Variants in WDR72 observed in about 807,000 individuals in gnomAD.
WDR72 encodes the protein WD repeat-containing protein 72.
A neutral mutation model predicts 124.2 loss-of-function variants in WDR72; 120 were observed. The ratio of observed to expected loss-of-function variants is 0.97; its 90% CI spans 0.83 to 1.12. The LOEUF is 1.12. Among genes scored for constraint, WDR72 ranks in the 50% most tolerant of loss-of-function variants. WDR72 has a pLI of 0.00. For missense variants in WDR72, 1,387 were observed against 1,278.8 expected (o/e 1.08, Z -1.29); for synonymous variants, 452 against 441.7 (o/e 1.02, Z -0.29).
intron 2 of WDR72, among the ~76,000 whole-genome samples, chr15:53,732,066 C>A (rs867487028): frequency 1.3e-5 from 2 of 152,044 alleles, no homozygotes; most frequent in African/African-American, 4.8e-5. Flanking sequence ...TCAAAGGGAG[C>A]CACTATTTTT....
intron 2 of WDR72, among the ~76,000 whole-genome samples, chr15:53,732,346 T>G (rs1448556757): frequency 6.6e-6 from 1 of 152,222 alleles, no homozygotes; most frequent in Non-Finnish European, 1.5e-5. Context: ...TTAGTTTAAT[T>G]GTTCAAATTG....
At chr15:53,653,056 C>G (rs867769892) in intron 14 of WDR72, among the ~76,000 whole-genome samples, 5 of 152,192 alleles carry the variant, frequency 3.3e-5, no homozygotes, top group South Asian at 2.1e-4. Context: ...ACATGTAAAC[C>G]TGATTTGGAC....
chr15:53,640,255 C>T (rs148680297), intron 14 of WDR72, among the ~76,000 whole-genome samples: 1 of 152,226 alleles, frequency 6.6e-6, no homozygotes, highest in African/African-American at 2.4e-5. Context: ...ATTTAAGCAC[C>T]TAATTACAAG....
intron 13 of WDR72, among the ~76,000 whole-genome samples, chr15:53,680,776 G>C (rs976473358): frequency 2.6e-5 from 4 of 152,156 alleles, no homozygotes; most frequent in Admixed American, 2.0e-4. Context: ...TGGGTACTCA[G>C]ATGCTCCAAG....
In WDR72 at chr15:53,691,053, A is replaced by G. The variant is rs118102788; in HGVS notation, c.1765+8697T>C. 8.3e-3 allele frequency among the ~76,000 whole-genome samples: 1,265 copies of G among 152,232 alleles called. 11 individuals carry two copies. The highest frequency in any genetic ancestry group is 0.013 in the Non-Finnish European group (866 of 68,016). On this transcript the variant is annotated intron_variant, in intron 13 of 19. Coordinates refer to ENST00000360509, the MANE Select transcript of WDR72 (RefSeq NM_182758.4). ...TTGATTTGCATTTCCCTGAAGAATA[A>G]TGATGTTGATAACCTTTATAGGGTC...
At position 53,733,103 on chromosome 15, in the gene WDR72, G is replaced by C. The variant is rs751851314; in HGVS notation, c.47C>G (p.Pro16Arg). Reference protein sequence around the residue: ...QAVALWGQKAPPHSITAIMIT... With the variant: ...QAVALWGQKARPHSITAIMIT... The stretch of plus-strand genomic sequence containing the variant: ...CATGATGGCAGTGATGCTGTGGGGA[G>C]GGGCCTTCTGTCCCCAGAGTGCCAC... The change falls in exon 2 of 20, where the codon CCT (proline) becomes CGT (arginine). Residue 16 changes from proline (P) to arginine (R), a missense_variant. Coordinates refer to ENST00000360509, the MANE Select transcript of WDR72 (RefSeq NM_182758.4). 6.2e-7 allele frequency: 1 copy of C among 1,613,948 alleles called. No homozygotes were observed. Among genetic ancestry groups the C allele is most frequent in the Non-Finnish European group, 8.5e-7 (1 of 1,179,970 alleles).
chr15:53,744,724 T>C (rs1428738508), intron 1 of WDR72, among the ~76,000 whole-genome samples: 1 of 152,202 alleles, frequency 6.6e-6, no homozygotes, highest in Non-Finnish European at 1.5e-5. Context: ...GTAATATTTC[T>C]TATATGATGT....
intron 1 of WDR72, among the ~76,000 whole-genome samples, chr15:53,741,997 G>C (rs758303758): frequency 2.0e-5 from 3 of 152,220 alleles, no homozygotes; most frequent in Non-Finnish European, 2.9e-5. Flanking sequence ...CAAAGTGCTG[G>C]GATTACAGGC....
At chr15:53,674,622 C>T (rs1398915132) in intron 13 of WDR72, among the ~76,000 whole-genome samples, 3 of 152,064 alleles carry the variant, frequency 2.0e-5, no homozygotes, top group African/African-American at 7.2e-5. Context: ...TACCTTCATT[C>T]CTAAATGTAG....
At chr15:53,728,580 C>G (rs2140597368) in intron 2 of WDR72, among the ~76,000 whole-genome samples, 1 of 152,308 alleles carries the variant, frequency 6.6e-6, no homozygotes, top group African/African-American at 2.4e-5. Context: ...CATTCTTTGT[C>G]TCCACACATT....
chr15:53,547,064 G>A (rs1906419), intron 18 of WDR72, among the ~76,000 whole-genome samples: 47,685 of 152,064 alleles, frequency 0.31, 7,945 homozygotes, highest in Admixed American at 0.41. Flanking sequence ...AAATACATAA[G>A]CCTTGGCTCC....
At chr15:53,647,970 A>G (rs1352792411) in intron 14 of WDR72, among the ~76,000 whole-genome samples, 1 of 152,064 alleles carries the variant, frequency 6.6e-6, no homozygotes, top group Non-Finnish European at 1.5e-5. Flanking sequence ...TGCTCCTTCC[A>G]CTACATGAAA....
chr15:53,754,361 T>C (rs564697556), intron 1 of WDR72, among the ~76,000 whole-genome samples: 1 of 151,950 alleles, frequency 6.6e-6, no homozygotes, highest in East Asian at 1.9e-4. Context: ...ACATAAGAGG[T>C]AGCAGAGGGA....
chr15:53,546,825 G>C (rs1026150139), intron 18 of WDR72, among the ~76,000 whole-genome samples: 2 of 152,156 alleles, frequency 1.3e-5, no homozygotes, highest in Non-Finnish European at 2.9e-5. Context: ...ACTATCAGTA[G>C]AGAGGAAATT....
intron 14 of WDR72, among the ~76,000 whole-genome samples, chr15:53,654,376 C>A (rs887228053): frequency 3.3e-5 from 5 of 152,108 alleles, no homozygotes; most frequent in Admixed American, 1.3e-4. Flanking sequence ...AAGTAAGGGC[C>A]CATATCCTTA....
chr15:53,562,052 T>G (rs1566961263), intron 18 of WDR72, among the ~76,000 whole-genome samples: 1 of 151,798 alleles, frequency 6.6e-6, no homozygotes, highest in Non-Finnish European at 1.5e-5. Flanking sequence ...ATGCTAGTCA[T>G]TGCACTAAGC....
At chr15:53,701,559 T>TCTCTCTCTCACA (rs369568228) in intron 12 of WDR72, among the ~76,000 whole-genome samples, 1,361 of 120,090 alleles carry the variant, frequency 0.011, 49 homozygotes, top group African/African-American at 0.037. Context: ...TCTCTCTCTC[T>TCTCTCTCTCACA]CACACACACA....
At chr15:53,626,384 C>G (rs543694753) in intron 14 of WDR72, among the ~76,000 whole-genome samples, 1 of 152,166 alleles carries the variant, frequency 6.6e-6, no homozygotes, top group Non-Finnish European at 1.5e-5. Flanking sequence ...GGAGCAGCAA[C>G]GGGCACCTTG....
intron 1 of WDR72, among the ~76,000 whole-genome samples, chr15:53,736,556 C>G (rs1419464070): frequency 6.6e-6 from 1 of 152,128 alleles, no homozygotes. Flanking sequence ...AGGAGGACAT[C>G]AATTTACAAG....
Sources: allele counts gnomAD v4.1 joint callset (sites outside exome capture counted in the v4.1 genomes callset), GRCh38; gene constraint gnomAD v4.1.1; transcripts MANE v1.5; gene names NCBI Gene and HGNC (gene_info 2026-07-23, HGNC 2026-07-21).